The following B3GALT1 variants were observed in gnomAD, a reference collection of about 807,000 sequenced individuals.
B3GALT1 encodes UDP-Gal:betaGlcNAc beta 1,3-galactosyltransferase, polypeptide 1.
A neutral mutation model predicts 23.2 loss-of-function variants in B3GALT1; 10 were observed. The ratio of observed to expected loss-of-function variants is 0.43; its 90% CI spans 0.27 to 0.73. The LOEUF (loss-of-function observed/expected upper bound fraction) is 0.73, where lower values mean the gene tolerates loss of function less well. Among genes scored for constraint, B3GALT1 ranks in the 30% least tolerant of loss-of-function variants. The pLI, the probability that B3GALT1 is intolerant of heterozygous loss-of-function variation, is 0.21. For synonymous variants in B3GALT1, 156 were observed against 141.5 expected, an observed-to-expected ratio of 1.10 and a Z score of -0.73; for missense variants, 299 against 405.4, an observed-to-expected ratio of 0.74 and a Z score of 2.25.
intron 3 of B3GALT1, among the ~76,000 whole-genome samples, chr2:167,742,693 T>G (rs995784715): frequency 1.3e-5 from 2 of 152,210 alleles, no homozygotes; most frequent in Admixed American, 6.5e-5. Flanking sequence ...AGCACAGAAA[T>G]GATGTAATTC....
intron 1 of B3GALT1, among the ~76,000 whole-genome samples, chr2:167,432,344 A>G (rs1314095683): frequency 6.6e-6 from 1 of 152,200 alleles, no homozygotes; most frequent in Non-Finnish European, 1.5e-5. Context: ...TGAAAAAGTA[A>G]TAAGATTGGT....
chr2:167,507,980 T>C (rs1433324059), intron 2 of B3GALT1, among the ~76,000 whole-genome samples: 1 of 152,162 alleles, frequency 6.6e-6, no homozygotes, highest in African/African-American at 2.4e-5. Context: ...TGGAGCCTAC[T>C]TTCAGGTTAC....
intron 2 of B3GALT1, among the ~76,000 whole-genome samples, chr2:167,567,000 A>T (rs999964699): frequency 6.6e-6 from 1 of 152,198 alleles, no homozygotes; most frequent in African/African-American, 2.4e-5. Flanking sequence ...GAATCTCTGG[A>T]AAATAGCACA....
intron 1 of B3GALT1, among the ~76,000 whole-genome samples, chr2:167,326,768 C>T (rs970163226): frequency 6.6e-6 from 1 of 152,052 alleles, no homozygotes; most frequent in African/African-American, 2.4e-5. Flanking sequence ...GGGCTCACTG[C>T]AACCTCCGCC....
At chr2:167,701,778 G>A (rs1686885130) in intron 3 of B3GALT1, among the ~76,000 whole-genome samples, 1 of 152,122 alleles carries the variant, frequency 6.6e-6, no homozygotes, top group Non-Finnish European at 1.5e-5. Context: ...TTTCAAATTT[G>A]GCATAACGTT....
chr2:167,803,057 G>A (rs767775873), intron 3 of B3GALT1, among the ~76,000 whole-genome samples: 2 of 146,948 alleles, frequency 1.4e-5, no homozygotes, highest in African/African-American at 2.6e-5. Flanking sequence ...CATCACTGCT[G>A]ACAATGTTCA....
intron 1 of B3GALT1, among the ~76,000 whole-genome samples, chr2:167,389,320 A>G (rs1697979280): frequency 2.0e-5 from 3 of 152,236 alleles, no homozygotes; most frequent in Admixed American, 2.0e-4. Flanking sequence ...TTCATTCAGT[A>G]GAAAGCAAAG....
At chr2:167,679,390 A>G (rs1686489450) in intron 3 of B3GALT1, among the ~76,000 whole-genome samples, 1 of 152,038 alleles carries the variant, frequency 6.6e-6, no homozygotes, top group African/African-American at 2.4e-5. Context: ...AAGTGCTGGG[A>G]TTACAGGCAT....
chr2:167,672,745 C>T (rs1483060940), intron 3 of B3GALT1, among the ~76,000 whole-genome samples: 1 of 152,092 alleles, frequency 6.6e-6, no homozygotes, highest in Non-Finnish European at 1.5e-5. Flanking sequence ...ATAGTAAGTG[C>T]TGTATAAGAT....
chr2:167,824,654 A>G (rs1689177443), intron 4 of B3GALT1, among the ~76,000 whole-genome samples: 3 of 152,120 alleles, frequency 2.0e-5, no homozygotes, highest in Non-Finnish European at 4.4e-5. Context: ...TCCAGAGCCT[A>G]AGGAAGAGGA....
intron 1 of B3GALT1, among the ~76,000 whole-genome samples, chr2:167,488,479 A>C (rs16853635): frequency 0.021 from 3,145 of 152,332 alleles, 42 homozygotes; most frequent in African/African-American, 0.034. Context: ...CAAGTGGATA[A>C]ATGAATGAAG....
intron 1 of B3GALT1, among the ~76,000 whole-genome samples, chr2:167,437,837 AC>A (rs1353913202): frequency 1.3e-5 from 2 of 152,114 alleles, no homozygotes; most frequent in African/African-American, 4.8e-5. Context: ...GTCATGGAAA[AC>A]AGTTTCCATG....
intron 1 of B3GALT1, among the ~76,000 whole-genome samples, chr2:167,460,308 A>G (rs535647733): frequency 1.8e-4 from 28 of 151,956 alleles, no homozygotes; most frequent in African/African-American, 6.8e-4. Context: ...TCATTTTTCT[A>G]TCTGTTTTTC....
chr2:167,355,816 G>T (rs141287541), intron 1 of B3GALT1, among the ~76,000 whole-genome samples: 1 of 151,910 alleles, frequency 6.6e-6, no homozygotes, highest in African/African-American at 2.4e-5. Flanking sequence ...CCAAATATCC[G>T]TAATGGACAT....
chr2:167,551,524 G>A (rs1349899843), intron 2 of B3GALT1, among the ~76,000 whole-genome samples: 3 of 152,144 alleles, frequency 2.0e-5, no homozygotes, highest in African/African-American at 7.2e-5. Context: ...AGATCATTGT[G>A]TAGACTTGTG....
chr2:167,362,896 C>T (rs1458588657), intron 1 of B3GALT1, among the ~76,000 whole-genome samples: 1 of 152,184 alleles, frequency 6.6e-6, no homozygotes, highest in African/African-American at 2.4e-5. Context: ...CGCCCTGTCA[C>T]CCAGGCTGGA....
intron 2 of B3GALT1, among the ~76,000 whole-genome samples, chr2:167,499,616 G>C (rs1236766112): frequency 6.6e-6 from 1 of 152,118 alleles, no homozygotes; most frequent in Non-Finnish European, 1.5e-5. Flanking sequence ...ACTAGTCACT[G>C]TAATTGCATA....
intron 1 of B3GALT1, among the ~76,000 whole-genome samples, chr2:167,393,834 C>G (rs890137736): frequency 6.6e-6 from 1 of 152,172 alleles, no homozygotes; most frequent in Non-Finnish European, 1.5e-5. Flanking sequence ...AGCCCTTATC[C>G]ACTTGTCTGA....
intron 1 of B3GALT1, among the ~76,000 whole-genome samples, chr2:167,309,547 T>A (rs1253698304): frequency 1.3e-5 from 2 of 152,164 alleles, no homozygotes; most frequent in South Asian, 2.1e-4. Context: ...TACACTGATC[T>A]ACCTCTTAAA....
Sources: gnomAD v4.1 joint callset for allele counts (sites outside exome capture counted in the v4.1 genomes callset) on GRCh38, gnomAD v4.1.1 for gene constraint, MANE v1.5 for transcripts, NCBI Gene and HGNC (gene_info 2026-07-23, HGNC 2026-07-21) for gene names.